Variants in LRRC36 observed in about 807,000 individuals in gnomAD.
The protein encoded by LRRC36 is leucine rich repeat containing 36.
LRRC36 carries 62 observed loss-of-function variants against 81.1 expected under a neutral mutation model. That is an observed-to-expected ratio of 0.76 (90% CI 0.62 to 0.94). The LOEUF (loss-of-function observed/expected upper bound fraction) is 0.94, where lower values mean the gene tolerates loss of function less well. Ranked by LOEUF, LRRC36 falls within the 40% of genes least tolerant of loss-of-function variation. The pLI is 0.00. For synonymous variants in LRRC36, 334 were observed against 348.6 expected, an observed-to-expected ratio of 0.96 and a Z score of 0.47; for missense variants, 761 against 881.7, an observed-to-expected ratio of 0.86 and a Z score of 1.73.
chr16:67,337,109 G>T (rs1269755170), intron 1 of LRRC36, among the ~76,000 whole-genome samples: 1 of 152,020 alleles, frequency 6.6e-6, no homozygotes, highest in African/African-American at 2.4e-5. Flanking sequence ...CCTTCTTGTG[G>T]ATATACCACA....
chr16:67,328,933 A>T (rs1227252190), intron 1 of LRRC36, among the ~76,000 whole-genome samples: 1 of 130,130 alleles, frequency 7.7e-6, no homozygotes, highest in Non-Finnish European at 1.5e-5. Context: ...TTTTTCAGAT[A>T]GAGTTTTGCT....
Position 67,384,945 on chromosome 16 carries a change from C to T in LRRC36, c.2121C>T (p.Leu707=). ...KEPKGYSGKA[L]LPPEKGHHLG... ...CAAAAGGTTATTCCGGGAAAGCGCT[C>T]CTGCCTCCTGAGAAGGGTCATCATC... is the stretch of plus-strand genomic sequence containing the variant. The change falls in exon 14 of 14, where the codon CTC becomes CTT. Residue 707 remains leucine, a synonymous_variant. Transcript: ENST00000329956. 1.2e-6 allele frequency: 2 copies of T among 1,614,206 alleles called. No homozygotes were observed. Among genetic ancestry groups the T allele is most frequent in the Non-Finnish European group, 1.7e-6 (2 of 1,180,048 alleles).
intron 5 of LRRC36, among the ~76,000 whole-genome samples, chr16:67,363,218 A>C (rs2039239660): frequency 6.6e-6 from 1 of 152,204 alleles, no homozygotes; most frequent in Non-Finnish European, 1.5e-5. Flanking sequence ...CTCCCCCTGT[A>C]GTTGGAGATT....
At chr16:67,345,412 A>G (rs564019991) in intron 2 of LRRC36, among the ~76,000 whole-genome samples, 3 of 152,360 alleles carry the variant, frequency 2.0e-5, no homozygotes, top group Non-Finnish European at 4.4e-5. Flanking sequence ...AGCTAAATAC[A>G]TAAAGATGAA....
intron 9 of LRRC36, 69 bp downstream of exon 9, chr16:67,371,311 TG>T: frequency 6.3e-7 from 1 of 1,578,852 alleles, no homozygotes; most frequent in Non-Finnish European, 8.7e-7. Context: ...AGGGTTCTGT[TG>T]GGAATGGAGG....
chr16:67,368,398 C>A (rs1053442202), intron 8 of LRRC36, among the ~76,000 whole-genome samples: 1 of 152,166 alleles, frequency 6.6e-6, no homozygotes, highest in Non-Finnish European at 1.5e-5. Context: ...CAGAAAGCTT[C>A]TCTGATGAGG....
At chr16:67,377,036 G>A (rs775058438) in intron 11 of LRRC36, among the ~76,000 whole-genome samples, 164 bp downstream of exon 11, 6 of 152,174 alleles carry the variant, frequency 3.9e-5, no homozygotes, top group Non-Finnish European at 8.8e-5. Context: ...TGGAAGTTCT[G>A]CAGGGATGAC....
chr16:67,365,089 A>G, intron 6 of LRRC36: 2 of 500,558 alleles, frequency 4.0e-6, no homozygotes, highest in Non-Finnish European at 7.1e-6. Context: ...TATGTCCTTT[A>G]CTTCCTAAGG....
At chr16:67,333,001 C>A (rs1456483290) in intron 1 of LRRC36, among the ~76,000 whole-genome samples, 1 of 152,036 alleles carries the variant, frequency 6.6e-6, no homozygotes, top group Non-Finnish European at 1.5e-5. Context: ...AAGCAATCCT[C>A]CTGACTCTGC....
intron 1 of LRRC36, among the ~76,000 whole-genome samples, chr16:67,331,044 G>A (rs1027925605): frequency 1.4e-5 from 2 of 145,610 alleles, no homozygotes; most frequent in Non-Finnish European, 3.0e-5. Flanking sequence ...AGGGCAGAAG[G>A]TGCATGTGTG....
rs145210474 is a variant in LRRC36 at position 67,382,221 on chromosome 16, A to T, written c.2019A>T (p.Thr673=). 282 of 1,614,058 alleles carry T rather than the reference A, an allele frequency of 1.7e-4. No individual in the cohort carries two copies. Among genetic ancestry groups the T allele is most frequent in the Admixed American group, 4.0e-4 (24 of 60,012 alleles). Residue 673 remains threonine (T), a synonymous_variant, in exon 13 of 14, where the codon ACA becomes ACT. Transcript: ENST00000329956. ...CCCAGCTGAAAAAGCTGGAGAAGAC[A>T]GTTGCCATTCTCCATGAAAGTCAGA... ...ELAQLKKLEK[T]VAILHESQRS...
chr16:67,371,368 C>G, intron 9 of LRRC36, 126 bp downstream of exon 9: 1 of 1,173,224 alleles, frequency 8.5e-7, no homozygotes, highest in Non-Finnish European at 1.3e-6. Flanking sequence ...TTTTCAGAGG[C>G]TGGTGGCTAA....
rs758524051 is a variant in LRRC36 at position 67,371,062 on chromosome 16, T to C, written c.1314T>C (p.Ala438=). ...TPAHGSVPNN[A]VLGNRTTPLR... is the part of the protein sequence containing the mutation. ...CACATGGTTCTGTCCCAAACAACGC[T>C]GTCCTGGGAAACAGGACAACTCCTC... Residue 438 remains alanine, a synonymous_variant, in exon 9 of 14, where the codon GCT becomes GCC. Transcript: ENST00000329956. 1.2e-6 allele frequency: 2 copies of C among 1,614,220 alleles called. No individual in the cohort carries two copies. Among genetic ancestry groups the C allele is most frequent in the Non-Finnish European group, 1.7e-6 (2 of 1,180,036 alleles).
intron 13 of LRRC36, among the ~76,000 whole-genome samples, chr16:67,382,500 T>G (rs963068726): frequency 1.3e-5 from 2 of 152,192 alleles, no homozygotes; most frequent in Non-Finnish European, 2.9e-5. Flanking sequence ...CTGGATCTGA[T>G]GGGACCTTTG....
intron 2 of LRRC36, among the ~76,000 whole-genome samples, chr16:67,345,909 T>C (rs1454420360): frequency 6.6e-6 from 1 of 152,132 alleles, no homozygotes; most frequent in Non-Finnish European, 1.5e-5. Context: ...AGAATTCTAA[T>C]GTGGCTTGGC....
chr16:67,383,776 A>G (rs1163084558), intron 13 of LRRC36, among the ~76,000 whole-genome samples: 3 of 152,260 alleles, frequency 2.0e-5, no homozygotes, highest in Admixed American at 2.0e-4. Flanking sequence ...ACTCTATGAA[A>G]TAAGATAAAT....
intron 12 of LRRC36, 73 bp downstream of exon 12, chr16:67,378,785 A>AC (rs1464250301): frequency 6.5e-7 from 1 of 1,531,022 alleles, no homozygotes; most frequent in African/African-American, 1.4e-5. Context: ...CCATTTAGTA[A>AC]CCTTCATCAT....
At chr16:67,359,779 C>T (rs1461881729) in intron 5 of LRRC36, among the ~76,000 whole-genome samples, 3 of 152,020 alleles carry the variant, frequency 2.0e-5, no homozygotes, top group Admixed American at 1.3e-4. Flanking sequence ...GGGGGAGGCA[C>T]CAGCAGCAGA....
chr16:67,352,539 G>T (rs1004330521), intron 5 of LRRC36, among the ~76,000 whole-genome samples: 1 of 151,674 alleles, frequency 6.6e-6, no homozygotes, highest in Non-Finnish European at 1.5e-5. Context: ...CCATATCCCC[G>T]AAATAGGCGT....
Sources: gnomAD v4.1 joint callset for allele counts (sites outside exome capture counted in the v4.1 genomes callset) on GRCh38, gnomAD v4.1.1 for gene constraint, MANE v1.5 for transcripts, NCBI Gene and HGNC (gene_info 2026-07-23, HGNC 2026-07-21) for gene names.